HEATR5B: variants seen among roughly 807,000 people sequenced by gnomAD.
The protein encoded by HEATR5B is HEAT repeat containing 5B.
HEATR5B carries 156 observed loss-of-function variants against 224.1 expected under a neutral mutation model. The observed-to-expected ratio is 0.70, with a 90% CI of 0.61 to 0.80. The LOEUF (loss-of-function observed/expected upper bound fraction) is 0.80, where lower values mean the gene tolerates loss of function less well. Ranked by LOEUF, HEATR5B falls within the 30% of genes least tolerant of loss-of-function variation. The probability of loss-of-function intolerance (pLI) is 0.00; values close to 1 mark genes in which losing one functional copy is unlikely to be tolerated. For synonymous variants in HEATR5B, 1,027 were observed against 893.0 expected (o/e 1.15, Z -2.68); for missense variants, 2,323 against 2,535.5 (o/e 0.92, Z 1.80).
At chr2:37,038,648 T>G (rs1317061448) in intron 20 of HEATR5B, among the ~76,000 whole-genome samples, 1 of 152,078 alleles carries the variant, frequency 6.6e-6, no homozygotes. Context: ...GGACAATGGG[T>G]CTAAGCAAGC....
chr2:37,078,476 T>C (rs1672365453), intron 3 of HEATR5B, among the ~76,000 whole-genome samples: 2 of 152,228 alleles, frequency 1.3e-5, no homozygotes, highest in Admixed American at 1.3e-4. Flanking sequence ...ATTTGCTAAG[T>C]GGCAGTGAAC....
chr2:37,065,988 T>C, intron 8 of HEATR5B, 78 bp from the exon 9 acceptor site: 1 of 1,306,418 alleles, frequency 7.7e-7, no homozygotes, highest in Non-Finnish European at 1.1e-6. Flanking sequence ...CAATTTATGA[T>C]TTTAGCCATA....
rs758555557 is a variant in HEATR5B, at chr2:37,049,702, C to T, written c.2647G>A (p.Val883Ile). Residue 883 changes from valine (V) to isoleucine (I), a missense_variant, in exon 18 of 36, where the codon GTT becomes ATT. Around this residue, in one of 12 missense-constraint regions of HEATR5B, gnomAD observed 170 missense variants for 216.7 expected, o/e 0.78. Coordinates refer to ENST00000233099, the MANE Select transcript of HEATR5B (RefSeq NM_019024.3). ...CTAGCAATAAAAGTTGCTTCTCCAA[C>T]CACCTGAGCCATTCTTCCAAGAGCT... ...GEALGRMAQV[V>I]GEATFIARMA... 1 of 1,614,034 alleles carries T rather than the reference C, an allele frequency of 6.2e-7. No homozygotes were observed. Among genetic ancestry groups the T allele is most frequent in the Non-Finnish European group, 8.5e-7 (1 of 1,179,996 alleles).
chr2:37,076,365 C>T (rs1672232745), intron 4 of HEATR5B, among the ~76,000 whole-genome samples: 1 of 151,976 alleles, frequency 6.6e-6, no homozygotes, highest in South Asian at 2.1e-4. Context: ...ACACAAAACA[C>T]AAAGGGACAG....
chr2:37,069,615 A>T (rs1180330779), intron 7 of HEATR5B, among the ~76,000 whole-genome samples: 2 of 152,326 alleles, frequency 1.3e-5, no homozygotes, highest in Non-Finnish European at 2.9e-5. Flanking sequence ...ACCTGAATAC[A>T]GTTTCAATGA....
chr2:37,065,969 T>A, intron 8 of HEATR5B, 59 bp from the exon 9 acceptor site: 2 of 1,507,966 alleles, frequency 1.3e-6, no homozygotes, highest in Non-Finnish European at 1.8e-6. Context: ...ATGATTTTTT[T>A]GGTCTATACA....
At chr2:37,019,428 G>C (rs1009623979) in intron 26 of HEATR5B, among the ~76,000 whole-genome samples, 2 of 150,908 alleles carry the variant, frequency 1.3e-5, no homozygotes, top group Non-Finnish European at 3.0e-5. Flanking sequence ...GTATTTCCAA[G>C]ATAAAAATAT....
chr2:37,028,178 T>C lies in HEATR5B; in HGVS notation c.3602-4A>G, dbSNP rs1370274412. 8.8e-6 allele frequency: 14 copies of C among 1,588,164 alleles called. No homozygotes were observed. In the African/African-American group the frequency reaches 1.1e-4, roughly 12 times the overall value. On this transcript the variant is annotated splice_polypyrimidine_tract_variant and splice_region_variant and intron_variant, in intron 23 of 35. Coordinates refer to ENST00000233099, the MANE Select transcript of HEATR5B (RefSeq NM_019024.3). Reference sequence around the variant, plus strand: ...AAGAGAGTTGCAGTACTCATATCTATAACAAGAATAAGGAATATTGTAACA... The same window carrying C: ...AAGAGAGTTGCAGTACTCATATCTACAACAAGAATAAGGAATATTGTAACA...
intron 33 of HEATR5B, among the ~76,000 whole-genome samples, chr2:36,996,628 G>T (rs1265033226): frequency 1.3e-5 from 2 of 151,790 alleles, no homozygotes; most frequent in African/African-American, 4.8e-5. Flanking sequence ...TTTTGCTCTT[G>T]TTGCCCAGGA....
chr2:37,052,895 A>C (rs1461187272), intron 17 of HEATR5B, among the ~76,000 whole-genome samples: 1 of 152,186 alleles, frequency 6.6e-6, no homozygotes, highest in Non-Finnish European at 1.5e-5. Context: ...TGCACAATTG[A>C]AAACTTATAA....
At chr2:37,019,767 T>C in intron 26 of HEATR5B, 42 bp downstream of exon 26, 1 of 1,311,448 alleles carries the variant, frequency 7.6e-7, no homozygotes, top group Non-Finnish European at 1.1e-6. Flanking sequence ...TATCTATGAA[T>C]GTATAGAAGA....
intron 35 of HEATR5B, among the ~76,000 whole-genome samples, chr2:36,985,972 T>C (rs1665925930): frequency 6.6e-6 from 1 of 151,868 alleles, no homozygotes; most frequent in Non-Finnish European, 1.5e-5. Flanking sequence ...AATCAAACAA[T>C]ACAGAATTAA....
At chr2:37,036,713 C>A (rs1669502494) in intron 21 of HEATR5B, among the ~76,000 whole-genome samples, 1 of 151,964 alleles carries the variant, frequency 6.6e-6, no homozygotes, top group Non-Finnish European at 1.5e-5. Flanking sequence ...GGTTTGACCA[C>A]ATTGCCCAGG....
rs370981258 is a variant in HEATR5B at position 36,981,537 on chromosome 2, C to T, written c.6169G>A (p.Ala2057Thr). The change falls in exon 36 of 36, where the codon GCC (alanine) becomes ACC (threonine). Residue 2057 changes from alanine to threonine, a missense_variant. Ala to Thr is a moderately conservative substitution (Grantham distance 58, BLOSUM62 0). This residue lies in a region of HEATR5B where 844 missense variants were observed against 812.9 expected (regional missense o/e 1.04). Transcript: ENST00000233099. ...AKAAARQPAP[A>T]IHSAPTIKLK... ...TTAATTGTTGGTGCAGAATGTATGG[C>T]GGGGGCTGGTTGTCTGGCAGCCGCT... is the stretch of plus-strand genomic sequence containing the variant. 104 of 1,612,944 alleles carry T rather than the reference C, an allele frequency of 6.4e-5. No homozygotes were observed. The highest frequency in any genetic ancestry group is 8.0e-5 in the Non-Finnish European group (94 of 1,179,154).
chr2:37,047,933 A>C (rs2086219492), intron 18 of HEATR5B, among the ~76,000 whole-genome samples: 1 of 152,204 alleles, frequency 6.6e-6, no homozygotes, highest in South Asian at 2.1e-4. Context: ...AAAAGAATTA[A>C]AATGCTGCCA....
At chr2:37,060,939 A>G (rs1671245553) in intron 11 of HEATR5B, among the ~76,000 whole-genome samples, 1 of 152,236 alleles carries the variant, frequency 6.6e-6, no homozygotes, top group South Asian at 2.1e-4. Context: ...TGATTAAAAT[A>G]TAGATCAAAG....
intron 26 of HEATR5B, among the ~76,000 whole-genome samples, chr2:37,018,451 A>G (rs1269770539): frequency 6.6e-6 from 1 of 152,096 alleles, no homozygotes; most frequent in East Asian, 1.9e-4. Context: ...CGATCCAGAG[A>G]CCTATCTCTT....
chr2:36,988,713 C>A lies in HEATR5B; in HGVS notation c.5844G>T (p.Glu1948Asp), dbSNP rs1666115273. ...TTATTCCTTCTTGAACCGCTAAAAG[C>A]TCTATGTTACTGGCTGGTCTGTTTC... ...VERNRPASNIELLAVQEGIKV... is the reference protein window; with the variant it reads ...VERNRPASNIDLLAVQEGIKV... Residue 1948 changes from glutamate to aspartate, a missense_variant, in exon 35 of 36, where the codon GAG (glutamate) becomes GAT (aspartate). Transcript: ENST00000233099. 6.2e-7 allele frequency: 1 copy of A among 1,613,998 alleles called. No individual in the cohort carries two copies. The highest frequency in any genetic ancestry group is 1.3e-5 in the African/African-American group (1 of 74,914).
chr2:37,047,435 G>T (rs1196973797), intron 18 of HEATR5B, among the ~76,000 whole-genome samples: 2 of 152,174 alleles, frequency 1.3e-5, no homozygotes, highest in African/African-American at 4.8e-5. Flanking sequence ...TTCTCAAAAA[G>T]TAACAGGTTA....
Sources: gnomAD v4.1 joint callset for allele counts (sites outside exome capture counted in the v4.1 genomes callset) on GRCh38, gnomAD v4.1.1 for gene constraint, gnomAD v4.1.1 regional missense constraint, MANE v1.5 for transcripts, NCBI Gene and HGNC (gene_info 2026-07-23, HGNC 2026-07-21) for gene names.